HOOK1: variants seen among roughly 807,000 people sequenced by gnomAD.
The protein encoded by HOOK1 is protein Hook homolog 1.
HOOK1 carries 60 observed loss-of-function variants against 112.8 expected under a neutral mutation model. The observed-to-expected ratio is 0.53, with a 90% confidence interval of 0.43 to 0.66. The LOEUF is 0.66. Ranked by LOEUF, HOOK1 falls within the 30% of genes least tolerant of loss-of-function variation. The pLI is 0.00. For missense variants in HOOK1, 770 were observed against 856.0 expected (o/e 0.90, Z 1.25); for synonymous variants, 294 against 283.8 (o/e 1.04, Z -0.36).
chr1:59,836,290 G>A (rs1191518899), intron 6 of HOOK1, among the ~76,000 whole-genome samples: 1 of 152,104 alleles, frequency 6.6e-6, no homozygotes, highest in African/African-American at 2.4e-5. Flanking sequence ...ATGGATTGCA[G>A]AGGAGACTTC....
At chr1:59,846,947 G>A in intron 9 of HOOK1, 98 bp from the exon 10 acceptor site, 2 of 827,590 alleles carry the variant, frequency 2.4e-6, no homozygotes, top group Non-Finnish European at 3.7e-6. Context: ...TGTGTTGAGT[G>A]TTATATATGC....
In HOOK1 at chr1:59,848,479, A is replaced by C. The variant is rs763968401; in HGVS notation, c.1094A>C (p.Asn365Thr). Residue 365 changes from asparagine to threonine, a missense_variant, in exon 11 of 22, where the codon AAT becomes ACT. Physicochemically the swap from Asn to Thr is moderately conservative, Grantham distance 65. This residue lies in a region of HOOK1 where 655 missense variants were observed against 725.9 expected (regional missense o/e 0.90). Transcript: ENST00000371208. ...TTAGAAGAAGAATTAAAAAAAGCAA[A>C]TGCAGCACGTACACAATTAGAAACA... ...VSLEEELKKA[N>T]AARTQLETYK... The C allele has an allele frequency of 6.2e-6, 10 of 1,610,318 alleles. No homozygotes were observed. In the East Asian group the frequency reaches 2.0e-4, roughly 32 times the overall value.
intron 12 of HOOK1, among the ~76,000 whole-genome samples, chr1:59,853,774 CA>C (rs2098408528): frequency 6.6e-6 from 1 of 151,152 alleles, no homozygotes; most frequent in African/African-American, 2.4e-5. Context: ...TGGGGGATTA[CA>C]ATTAGCATCT....
rs1383224355 is a variant in HOOK1 at position 59,815,105 on chromosome 1, G to C, written c.-13G>C. On this transcript the variant is annotated 5_prime_UTR_variant, in exon 1 of 22. Coordinates refer to ENST00000371208, the MANE Select transcript of HOOK1 (RefSeq NM_015888.6). ...TGAAGGTGTCCGCGGCGTCGTCGAC[G>C]GCGGCGCCGGCCATGGAGGAGACGC... 1.3e-6 allele frequency: 2 copies of C among 1,539,428 alleles called. No homozygotes were observed. The highest frequency in any genetic ancestry group is 8.7e-7 in the Non-Finnish European group (1 of 1,146,264).
rs149391368 is a variant in HOOK1, at chr1:59,829,428, A to G, written c.222+576A>G. ...TCTCTTGGGTGAATTTCTGGGTGGA[A>G]TTGCTAAGTTGTATAAGTATGTGCT... On this transcript the variant is annotated intron_variant, in intron 3 of 21. Coordinates refer to ENST00000371208, the MANE Select transcript of HOOK1 (RefSeq NM_015888.6). Among the ~76,000 whole-genome samples, 206 of 152,184 alleles carry G rather than the reference A, an allele frequency of 1.4e-3. 1 individual carries two copies. The highest frequency in any genetic ancestry group is 4.6e-3 in the African/African-American group (191 of 41,566).
chr1:59,865,293 T>A (rs748838083), intron 18 of HOOK1, 48 bp downstream of exon 18: 1 of 1,122,604 alleles, frequency 8.9e-7, no homozygotes, highest in Admixed American at 1.8e-5. Context: ...ATCTAAGGAC[T>A]TACCCTTTTT....
At chr1:59,835,722 G>C (rs1394553204) in intron 6 of HOOK1, among the ~76,000 whole-genome samples, 1 of 152,138 alleles carries the variant, frequency 6.6e-6, no homozygotes, top group Admixed American at 6.5e-5. Context: ...GACCCGGGGT[G>C]GCGGGCAGGG....
chr1:59,844,558 ATTTGT>A (rs1270944407), intron 9 of HOOK1, among the ~76,000 whole-genome samples: 1 of 151,882 alleles, frequency 6.6e-6, no homozygotes, highest in African/African-American at 2.4e-5. Flanking sequence ...CTTTTTCAAA[ATTTGT>A]TTTGGCTATT....
chr1:59,831,603 AAACTGCCC>A (rs2098394030), intron 3 of HOOK1, among the ~76,000 whole-genome samples: 1 of 152,188 alleles, frequency 6.6e-6, no homozygotes, highest in Non-Finnish European at 1.5e-5. Context: ...TTGCAAATTC[AAACTGCCC>A]AGGCCTTCCT....
intron 12 of HOOK1, among the ~76,000 whole-genome samples, chr1:59,853,205 A>G (rs1286514458): frequency 6.6e-6 from 1 of 152,074 alleles, no homozygotes; most frequent in African/African-American, 2.4e-5. Context: ...TATTGAAAGT[A>G]GGATACTGAT....
At chr1:59,818,218 C>A (rs903181095) in intron 1 of HOOK1, among the ~76,000 whole-genome samples, 1 of 152,076 alleles carries the variant, frequency 6.6e-6, no homozygotes, top group African/African-American at 2.4e-5. Flanking sequence ...GTCATGATAA[C>A]CCTGGCTCAA....
At chr1:59,845,715 G>C (rs888114452) in intron 9 of HOOK1, among the ~76,000 whole-genome samples, 1 of 151,726 alleles carries the variant, frequency 6.6e-6, no homozygotes, top group African/African-American at 2.4e-5. Flanking sequence ...ACATTCTGGA[G>C]ATAAACCACT....
rs774249570 is a variant in HOOK1, at chr1:59,874,396, C to T, written c.*1431C>T. On this transcript the variant is annotated 3_prime_UTR_variant, in exon 22 of 22. Coordinates refer to ENST00000371208, the MANE Select transcript of HOOK1 (RefSeq NM_015888.6). The stretch of plus-strand genomic sequence containing the variant: ...AACTGAATTGTGACATAATTAGCAT[C>T]TTACATTCCATACAGTTGAATACCT... 5 of 152,206 alleles carry T rather than the reference C, an allele frequency of 3.3e-5. No homozygotes were observed. Among genetic ancestry groups the T allele is most frequent in the Non-Finnish European group, 5.9e-5 (4 of 68,012 alleles). 9.4% of individuals were successfully genotyped at this position (152,206 alleles called of 1,614,324 possible).
At chr1:59,852,236 T>G (rs2098407525) in intron 12 of HOOK1, among the ~76,000 whole-genome samples, 2 of 151,734 alleles carry the variant, frequency 1.3e-5, no homozygotes, top group African/African-American at 4.8e-5. Context: ...GTATTAATTC[T>G]TCTTTAAATG....
chr1:59,840,150 C>CT (rs988635803), intron 7 of HOOK1, among the ~76,000 whole-genome samples, 158 bp from the exon 8 acceptor site: 10 of 151,914 alleles, frequency 6.6e-5, no homozygotes, highest in South Asian at 6.2e-4. Context: ...CTAAAATTCT[C>CT]TTTTTTTTGT....
chr1:59,830,588 T>C (rs1482658448), intron 3 of HOOK1, among the ~76,000 whole-genome samples: 1 of 152,136 alleles, frequency 6.6e-6, no homozygotes, highest in East Asian at 1.9e-4. Context: ...TTATTGAAAG[T>C]GTTTCATGTA....
rs1316851706 is a variant in HOOK1, at chr1:59,848,621, A to G, written c.1131+105A>G. 18 of 741,012 alleles carry G rather than the reference A, an allele frequency of 2.4e-5. No individual in the cohort carries two copies. In the South Asian group the frequency reaches 3.2e-4, roughly 13 times the overall value. 45.9% of individuals were successfully genotyped at this position (741,012 alleles called of 1,614,324 possible). The stretch of plus-strand genomic sequence containing the variant: ...AAAGAAATTGAGAAGCGTTGCATGT[A>G]ATAAGCTATGAACTTATTCTGATGA... On this transcript the variant is annotated intron_variant, in intron 11 of 21. Coordinates refer to ENST00000371208, the MANE Select transcript of HOOK1 (RefSeq NM_015888.6).
At chr1:59,852,140 A>G (rs1011176267) in intron 12 of HOOK1, among the ~76,000 whole-genome samples, 3 of 151,740 alleles carry the variant, frequency 2.0e-5, no homozygotes, top group Non-Finnish European at 4.4e-5. Flanking sequence ...GTGAGGTCAT[A>G]CCTGGTTTTG....
At chr1:59,823,481 T>C (rs1423560797) in intron 2 of HOOK1, among the ~76,000 whole-genome samples, 1 of 152,244 alleles carries the variant, frequency 6.6e-6, no homozygotes, top group African/African-American at 2.4e-5. Flanking sequence ...CCTTGCCTTC[T>C]TCTCATCATG....
Sources: allele counts gnomAD v4.1 joint callset (sites outside exome capture counted in the v4.1 genomes callset), GRCh38; gene constraint gnomAD v4.1.1; regional missense constraint gnomAD v4.1.1; transcripts MANE v1.5; gene names NCBI Gene and HGNC (gene_info 2026-07-23, HGNC 2026-07-21).